Variants in ABCA5 observed in about 807,000 individuals in gnomAD.
ABCA5 encodes cholesterol transporter ABCA5.
A neutral mutation model predicts 206.0 loss-of-function variants in ABCA5; 163 were observed. The ratio of observed to expected loss-of-function variants is 0.79; its 90% confidence interval spans 0.70 to 0.90. ABCA5 has a LOEUF of 0.90. Ranked by LOEUF, ABCA5 falls within the 40% of genes least tolerant of loss-of-function variation. ABCA5 has a pLI of 0.00. For synonymous variants in ABCA5, 609 were observed against 613.8 expected, an observed-to-expected ratio of 0.99 and a Z score of 0.11; for missense variants, 1,859 against 1,912.9, an observed-to-expected ratio of 0.97 and a Z score of 0.53.
Position 69,246,136 on chromosome 17 carries a change from C to G in ABCA5, c.*1401G>C, listed in dbSNP as rs1356740293. 1 of 151,850 alleles carries G rather than the reference C, an allele frequency of 6.6e-6. No individual in the cohort carries two copies. The highest frequency in any genetic ancestry group is 1.5e-5 in the Non-Finnish European group (1 of 67,828). 9.4% of individuals were successfully genotyped at this position (151,850 alleles called of 1,614,324 possible). A position where few individuals can be genotyped will look rare whatever the true frequency, so the allele number is the denominator to read the frequency against. ...AACACTTTTAAATCCACTGCTAGAG[C>G]CTAAAATCACAGATGTCTTATTACA... On this transcript the variant is annotated 3_prime_UTR_variant, in exon 39 of 39. Transcript: ENST00000392676.
rs2075127605 is a variant in ABCA5 at position 69,259,898 on chromosome 17, C to T, written c.3640-101G>A. The T allele has an allele frequency of 1.6e-5, 9 of 548,730 alleles. No individual in the cohort carries two copies. In the South Asian group the frequency reaches 2.7e-4, roughly 17 times the overall value. 34.0% of individuals were successfully genotyped at this position (548,730 alleles called of 1,614,324 possible). ...AACTAAGACTACATACATCAAGTTCCTTGCCATTACCAAAAGAAGTAATCA... is the reference window on the plus strand; with the variant it reads ...AACTAAGACTACATACATCAAGTTCTTTGCCATTACCAAAAGAAGTAATCA... On this transcript the variant is annotated intron_variant, in intron 27 of 38. Coordinates refer to ENST00000392676, the MANE Select transcript of ABCA5 (RefSeq NM_172232.4).
intron 24 of ABCA5, among the ~76,000 whole-genome samples, chr17:69,263,011 A>C (rs1204184305): frequency 6.6e-6 from 1 of 151,966 alleles, no homozygotes; most frequent in Non-Finnish European, 1.5e-5. Context: ...TTTTTCATAC[A>C]TTTGTTGTCC....
chr17:69,283,503 C>T (rs374589323), intron 18 of ABCA5, among the ~76,000 whole-genome samples: 6 of 152,128 alleles, frequency 3.9e-5, no homozygotes, highest in South Asian at 2.1e-4. Context: ...GTTTTCCAGA[C>T]GTTCAAAGGC....
In ABCA5 at chr17:69,312,385, A is replaced by T. The variant is rs549964573; in HGVS notation, c.307+707T>A. Among the ~76,000 whole-genome samples, 4 of 152,324 alleles carry T rather than the reference A, an allele frequency of 2.6e-5. No individual in the cohort carries two copies. The South Asian group carries it at 8.3e-4, about 32-fold the overall frequency. On this transcript the variant is annotated intron_variant, in intron 3 of 38. Coordinates refer to ENST00000392676, the MANE Select transcript of ABCA5 (RefSeq NM_172232.4). ...TTAGACCAACCTGGGCAACATAGCA[A>T]GATCCCATCTCTACAAAAAATATAT...
At chr17:69,304,512 C>T (rs2075696013) in intron 7 of ABCA5, 157 bp downstream of exon 7, 1 of 594,790 alleles carries the variant, frequency 1.7e-6, no homozygotes, top group Non-Finnish European at 2.8e-6. Context: ...TACAGGAATA[C>T]AGTGATGCCA....
At chr17:69,278,022 C>T (rs180955343) in intron 18 of ABCA5, among the ~76,000 whole-genome samples, 180 bp from the exon 19 acceptor site, 123 of 152,148 alleles carry the variant, frequency 8.1e-4, no homozygotes, top group African/African-American at 2.9e-3. Flanking sequence ...CCCAAGAGAT[C>T]CCCAACAGGT....
In ABCA5 at chr17:69,301,284, G is replaced by C; in HGVS notation, c.1122C>G (p.Val374=). ...CTTCATTAAAATCTTCTAAATGCAT[G>C]ACCTGAAAAATACAAACACTAACTT... ...HCTFVIGIAQ[V]MHLEDFNEGA... is the part of the protein sequence containing the mutation. Residue 374 remains valine, a splice_region_variant and synonymous_variant, in exon 9 of 39, where the codon GTC becomes GTG. Transcript: ENST00000392676. 6.3e-7 allele frequency: 1 copy of C among 1,587,266 alleles called. No homozygotes were observed. Among genetic ancestry groups the C allele is most frequent in the Non-Finnish European group, 8.5e-7 (1 of 1,173,688 alleles).
chr17:69,302,368 T>C (rs879923443), intron 8 of ABCA5, among the ~76,000 whole-genome samples: 2 of 152,184 alleles, frequency 1.3e-5, no homozygotes, highest in African/African-American at 2.4e-5. Flanking sequence ...TGCATTCTTC[T>C]GAGATAAATG....
intron 28 of ABCA5, among the ~76,000 whole-genome samples, chr17:69,258,523 C>T (rs1381911511): frequency 6.6e-6 from 1 of 151,954 alleles, no homozygotes; most frequent in East Asian, 1.9e-4. Flanking sequence ...TGAACATAAA[C>T]ATGGAAACAC....
chr17:69,284,103 C>T (rs748112124), intron 17 of ABCA5, 31 bp from the exon 18 acceptor site: 7 of 1,468,718 alleles, frequency 4.8e-6, no homozygotes. Context: ...AATAGTATAT[C>T]TTTAAGCATA....
intron 5 of ABCA5, among the ~76,000 whole-genome samples, chr17:69,307,944 A>C (rs1263199492): frequency 6.6e-6 from 1 of 152,166 alleles, no homozygotes; most frequent in Non-Finnish European, 1.5e-5. Context: ...TGGAAAAAAA[A>C]GCCACAGATC....
intron 37 of ABCA5, 44 bp downstream of exon 37, chr17:69,249,859 ATC>A (rs765814030): frequency 6.5e-7 from 1 of 1,534,688 alleles, no homozygotes; most frequent in Non-Finnish European, 8.8e-7. Context: ...GGGACTGAAC[ATC>A]TTCCTTAGGA....
chr17:69,255,988 A>G, intron 29 of ABCA5, 138 bp from the exon 30 acceptor site: 1 of 1,131,718 alleles, frequency 8.8e-7, no homozygotes, highest in Middle Eastern at 2.8e-4. Context: ...TCCATTTATG[A>G]CTGAAATTCT....
chr17:69,256,140 C>G lies in ABCA5; in HGVS notation c.3858+17G>C. On this transcript the variant is annotated intron_variant, in intron 29 of 38. Transcript: ENST00000392676. ...CATTTCATATTTACTATGACTTAGC[C>G]ATAAAGAATAAATTACCTCCTCACA... is the stretch of plus-strand genomic sequence containing the variant. 6.4e-7 allele frequency: 1 copy of G among 1,563,744 alleles called. No individual in the cohort carries two copies. Among genetic ancestry groups the G allele is most frequent in the Non-Finnish European group, 8.6e-7 (1 of 1,160,444 alleles).
At chr17:69,252,016 ATTT>A in intron 34 of ABCA5, 150 bp from the exon 35 acceptor site, 4 of 612,558 alleles carry the variant, frequency 6.5e-6, no homozygotes, top group South Asian at 2.2e-5. Context: ...CCCAACTATG[ATTT>A]TTTTTTTTTT....
At chr17:69,259,040 T>G (rs7208246) in intron 28 of ABCA5, among the ~76,000 whole-genome samples, 5,762 of 152,056 alleles carry the variant, frequency 0.038, 368 homozygotes, top group African/African-American at 0.13. Flanking sequence ...TTAGAAACAG[T>G]CTGGCAATTC....
intron 7 of ABCA5, chr17:69,304,468 T>C (rs528034436): frequency 3.7e-4 from 155 of 419,638 alleles, no homozygotes; most frequent in African/African-American, 3.0e-3. Context: ...AAGCTAAATC[T>C]AAATCTAAAA....
At chr17:69,281,847 T>C (rs1487520065) in intron 18 of ABCA5, among the ~76,000 whole-genome samples, 1 of 152,232 alleles carries the variant, frequency 6.6e-6, no homozygotes. Context: ...AGCTTGATTC[T>C]TGACTTTGGT....
intron 32 of ABCA5, 116 bp downstream of exon 32, chr17:69,254,199 T>C (rs1240921407): frequency 1.2e-5 from 10 of 846,830 alleles, no homozygotes; most frequent in Middle Eastern, 3.3e-4. Flanking sequence ...GAAAAAGTAA[T>C]AAACATTTTC....
Sources: allele counts gnomAD v4.1 joint callset (sites outside exome capture counted in the v4.1 genomes callset), GRCh38; gene constraint gnomAD v4.1.1; transcripts MANE v1.5; gene names NCBI Gene and HGNC (gene_info 2026-07-23, HGNC 2026-07-21).